Variants in ZMYM2 observed in about 807,000 individuals in gnomAD.
ZMYM2 encodes the protein zinc finger MYM-type protein 2.
In ZMYM2, 56 loss-of-function variants were observed where a neutral mutation model predicts 162.8. The observed-to-expected ratio is 0.34, with a 90% CI of 0.28 to 0.43. The LOEUF (loss-of-function observed/expected upper bound fraction) is 0.43, where lower values mean the gene tolerates loss of function less well. ZMYM2 is among the 20% of genes least tolerant of loss of function. ZMYM2 has a pLI of 1.00. For synonymous variants in ZMYM2, 510 were observed against 541.6 expected, an observed-to-expected ratio of 0.94 and a Z score of 0.81; for missense variants, 1,275 against 1,621.8, an observed-to-expected ratio of 0.79 and a Z score of 3.67.
intron 2 of ZMYM2, among the ~76,000 whole-genome samples, chr13:19,992,017 A>G (rs992970363): frequency 6.6e-6 from 1 of 152,106 alleles, no homozygotes; most frequent in Non-Finnish European, 1.5e-5. Flanking sequence ...CCTTAACATT[A>G]ATCATATCTG....
At chr13:19,870,944 T>C in the ZMYM2 span, among the ~76,000 whole-genome samples, 3 of 152,044 alleles carry the variant, frequency 2.0e-5, no homozygotes, top group Non-Finnish European at 2.9e-5. Flanking sequence ...GTCATTTCTA[T>C]TGAAGTCATT....
intron 21 of ZMYM2, among the ~76,000 whole-genome samples, chr13:20,079,879 C>T (rs551220918): frequency 4.6e-5 from 7 of 152,214 alleles, no homozygotes; most frequent in African/African-American, 1.7e-4. Context: ...ATTTCAGAAT[C>T]ATTTCCCTCA....
intron 6 of ZMYM2, among the ~76,000 whole-genome samples, chr13:20,009,213 G>A (rs1304892816): frequency 6.6e-6 from 1 of 152,096 alleles, no homozygotes; most frequent in Non-Finnish European, 1.5e-5. Flanking sequence ...CTTCAGCGCA[G>A]ACAAAATTAA....
At chr13:20,084,557 G>T (rs1054806332) in intron 24 of ZMYM2, among the ~76,000 whole-genome samples, 1 of 152,258 alleles carries the variant, frequency 6.6e-6, no homozygotes, top group East Asian at 1.9e-4. Context: ...CGGTGTAAAG[G>T]TATGCTCAAA....
At position 19,973,220 on chromosome 13, in the gene ZMYM2, A is replaced by C. The variant is rs989911204; in HGVS notation, c.-11+13194A>C. 3.3e-5 allele frequency among the ~76,000 whole-genome samples: 5 copies of C among 152,206 alleles called. No homozygotes were observed. In the East Asian group the frequency reaches 9.7e-4, roughly 29 times the overall value. ...CCAAAGTGCTGAGATTACAGGCATT[A>C]GCCACTGCGCCCAGCTACAAGTATA... is the stretch of plus-strand genomic sequence containing the variant. On this transcript the variant is annotated intron_variant, in intron 2 of 24. Coordinates refer to ENST00000610343, the MANE Select transcript of ZMYM2 (RefSeq NM_197968.4).
rs1482619335 is a variant in ZMYM2 at position 20,068,071 on chromosome 13, ACTTTTT to A, written c.3453+686_3453+691del. ...AATTGTCTTAATTTGTGTTTTTTTT[ACTTTTT>A]CTTTAGGATAGAAATTTGCTTAAGA... On this transcript the variant is annotated intron_variant, in intron 21 of 24. Transcript: ENST00000610343. The A allele has an allele frequency of 4.5e-5, 8 of 176,280 alleles. No individual in the cohort carries two copies. In the East Asian group the frequency reaches 6.7e-4, roughly 15 times the overall value. 10.9% of individuals were successfully genotyped at this position (176,280 alleles called of 1,614,324 possible).
In ZMYM2 at chr13:20,079,641, A is replaced by G. The variant is rs1593273258; in HGVS notation, c.3454-2375A>G. 2.0e-5 allele frequency among the ~76,000 whole-genome samples: 3 copies of G among 152,026 alleles called. No individual in the cohort carries two copies. The South Asian group carries it at 6.3e-4, about 32-fold the overall frequency. ...ATGGCATTGCTTCCCATACTACCAC[A>G]ATAAGTAATAAAACATTTTGTAATT... On this transcript the variant is annotated intron_variant, in intron 21 of 24. Transcript: ENST00000610343.
chr13:19,960,309 G>T (rs549007731), intron 2 of ZMYM2, among the ~76,000 whole-genome samples: 1 of 152,336 alleles, frequency 6.6e-6, no homozygotes, highest in Non-Finnish European at 1.5e-5. Context: ...GAGGGGTGGT[G>T]CGAAGGAGGG....
the ZMYM2 span, among the ~76,000 whole-genome samples, chr13:19,896,317 TATTTTTAGTA>T: frequency 6.6e-6 from 1 of 151,384 alleles, no homozygotes; most frequent in Admixed American, 6.6e-5. Flanking sequence ...CTAATTTTTG[TATTTTTAGTA>T]GAGACGGGGT....
At chr13:19,885,911 A>ATG in the ZMYM2 span, among the ~76,000 whole-genome samples, 2 of 25,608 alleles carry the variant, frequency 7.8e-5, no homozygotes, top group Admixed American at 9.1e-4. Context: ...ATATATATGT[A>ATG]TATACACATA....
chr13:19,976,781 T>C (rs574592662), intron 2 of ZMYM2, among the ~76,000 whole-genome samples: 22 of 152,344 alleles, frequency 1.4e-4, no homozygotes, highest in African/African-American at 5.3e-4. Flanking sequence ...GTCTTTTAGG[T>C]CTGAGTAGTT....
the ZMYM2 span, among the ~76,000 whole-genome samples, chr13:19,884,275 G>A: frequency 6.6e-6 from 1 of 152,086 alleles, no homozygotes; most frequent in Admixed American, 6.6e-5. Flanking sequence ...TAGGTTCTCG[G>A]TCTCGCTGAC....
chr13:20,061,251 G>A (rs747461287), intron 17 of ZMYM2, 27 bp downstream of exon 17: 13 of 1,605,510 alleles, frequency 8.1e-6, no homozygotes, highest in African/African-American at 5.4e-5. Context: ...TATACCTTGC[G>A]AATAAGTGTT....
chr13:19,952,724 A>G, the ZMYM2 span, among the ~76,000 whole-genome samples: 3 of 152,188 alleles, frequency 2.0e-5, no homozygotes, highest in East Asian at 5.8e-4. Context: ...GGTTGGAGGC[A>G]TTGGGATCCC....
chr13:19,888,234 G>C, the ZMYM2 span, among the ~76,000 whole-genome samples: 1 of 151,606 alleles, frequency 6.6e-6, no homozygotes, highest in South Asian at 2.1e-4. Context: ...TGTTGCCCAA[G>C]CTGGAGTGCA....
intron 21 of ZMYM2, among the ~76,000 whole-genome samples, chr13:20,075,064 C>G (rs1957390228): frequency 6.6e-6 from 1 of 152,052 alleles, no homozygotes; most frequent in Non-Finnish European, 1.5e-5. Context: ...AAAAGTAATC[C>G]TGAAACTCAG....
intron 6 of ZMYM2, among the ~76,000 whole-genome samples, chr13:20,019,261 T>C (rs1951875048): frequency 6.6e-6 from 1 of 152,224 alleles, no homozygotes; most frequent in Non-Finnish European, 1.5e-5. Flanking sequence ...GTGATTTTAC[T>C]CAGAAATTAG....
the ZMYM2 span, among the ~76,000 whole-genome samples, chr13:19,945,122 T>G: frequency 6.6e-6 from 1 of 152,214 alleles, no homozygotes; most frequent in Non-Finnish European, 1.5e-5. Context: ...AGAACTAAAT[T>G]TGAAGTTGGT....
At chr13:20,030,037 C>T (rs1225550552) in intron 9 of ZMYM2, among the ~76,000 whole-genome samples, 1 of 151,932 alleles carries the variant, frequency 6.6e-6, no homozygotes, top group East Asian at 1.9e-4. Context: ...TCCAGCGATC[C>T]GCCTGCCTCT....
Sources: allele counts gnomAD v4.1 joint callset (sites outside exome capture counted in the v4.1 genomes callset), GRCh38; gene constraint gnomAD v4.1.1; transcripts MANE v1.5; gene names NCBI Gene and HGNC (gene_info 2026-07-23, HGNC 2026-07-21).